Variants in ZNF85 observed in about 807,000 individuals in gnomAD.
ZNF85 encodes zinc finger protein 85, also known as zinc finger protein 85 (HPF4, HTF1).
In ZNF85, 50 loss-of-function variants were observed where a neutral mutation model predicts 53.9. The ratio of observed to expected loss-of-function variants is 0.93; its 90% CI spans 0.74 to 1.17. The LOEUF is 1.17. Among genes scored for constraint, ZNF85 ranks in the 50% most tolerant of loss-of-function variants. The probability of loss-of-function intolerance (pLI) is 0.00; values close to 1 mark genes in which losing one functional copy is unlikely to be tolerated. For missense variants in ZNF85, 747 were observed against 688.5 expected, an observed-to-expected ratio of 1.08 and a Z score of -0.95; for synonymous variants, 225 against 226.1, an observed-to-expected ratio of 1.00 and a Z score of 0.04.
At position 20,949,338 on chromosome 19, in the gene ZNF85, C is replaced by T. The variant is rs974842911; in HGVS notation, c.824C>T (p.Thr275Ile). ...TTTAACCGATTCTCAACTCTTACTA[C>T]CCATAAGATAATTCATACTGGAGAG... is the stretch of plus-strand genomic sequence containing the variant. ...KTFNRFSTLT[T>I]HKIIHTGEKP... Residue 275 changes from threonine (T) to isoleucine (I), a missense_variant, in exon 4 of 4, where the codon ACC becomes ATC. Transcript: ENST00000328178. 4.4e-6 allele frequency: 7 copies of T among 1,608,086 alleles called. No homozygotes were observed. Among genetic ancestry groups the T allele is most frequent in the South Asian group, 1.1e-5 (1 of 90,606 alleles).
At chr19:20,932,860 A>G (rs11667715) in intron 1 of ZNF85, among the ~76,000 whole-genome samples, 17,052 of 152,042 alleles carry the variant, frequency 0.11, 998 homozygotes, top group Non-Finnish European at 0.13. Context: ...CACAGCCGTG[A>G]TGCTGTGTCA....
intron 3 of ZNF85, among the ~76,000 whole-genome samples, chr19:20,939,739 C>T (rs889900817): frequency 6.6e-6 from 1 of 152,010 alleles, no homozygotes; most frequent in East Asian, 1.9e-4. Flanking sequence ...AATATGACCC[C>T]CAGTCTGGAG....
chr19:20,943,136 A>G (rs919510194), intron 3 of ZNF85: 1 of 353,464 alleles, frequency 2.8e-6, no homozygotes, highest in Admixed American at 4.7e-5. Flanking sequence ...AGGTGCAAAT[A>G]AGAATGTTGT....
At position 20,934,140 on chromosome 19, in the gene ZNF85, G is replaced by C; in HGVS notation, c.120G>C (p.Leu40=). Residue 40 remains leucine (L), a synonymous_variant, in exon 2 of 4, where the codon CTG becomes CTC. Coordinates refer to ENST00000328178, the MANE Select transcript of ZNF85 (RefSeq NM_003429.5). ...RNVMLENYRN[L]VFLGITVSKP... is the part of the protein sequence containing the mutation. ...TGATGTTAGAGAACTACAGAAACCT[G>C]GTCTTCCTGGGTGAGGATAACTTCA... 6.2e-7 allele frequency: 1 copy of C among 1,611,530 alleles called. No homozygotes were observed. The highest frequency in any genetic ancestry group is 8.5e-7 in the Non-Finnish European group (1 of 1,178,704).
In ZNF85 at chr19:20,950,075, C is replaced by T. The variant is rs754065881; in HGVS notation, c.1561C>T (p.Gln521Ter). Reference sequence around the variant, plus strand: ...TGAAGAATGTGGCAAAGCTTTTAACCAATCCTCAAAACTTACCAAACATAA... The same window carrying T: ...TGAAGAATGTGGCAAAGCTTTTAACTAATCCTCAAAACTTACCAAACATAA... Reference protein sequence around the residue: ...KCEECGKAFNQSSKLTKHKKI... With the variant: ...KCEECGKAFN Residue 521 changes from glutamine to a stop codon, truncating the protein, a stop_gained, in exon 4 of 4, where the codon CAA becomes TAA. Transcript: ENST00000328178. LOFTEE classifies it high-confidence loss of function. 3 of 1,612,800 alleles carry T rather than the reference C, an allele frequency of 1.9e-6. No homozygotes were observed. The highest frequency in any genetic ancestry group is 2.5e-6 in the Non-Finnish European group (3 of 1,179,720).
Position 20,949,083 on chromosome 19 carries a change from C to A in ZNF85, c.569C>A (p.Thr190Asn). Reference protein sequence around the residue: ...GKSFGMISCLTEHSRIHTRVN... With the variant: ...GKSFGMISCLNEHSRIHTRVN... ...TCATTTGGCATGATTTCATGCCTAA[C>A]TGAACATAGCAGAATTCATACTAGA... is the stretch of plus-strand genomic sequence containing the variant. The change falls in exon 4 of 4, where the codon ACT (threonine) becomes AAT (asparagine). Residue 190 changes from threonine (T) to asparagine (N), a missense_variant. Coordinates refer to ENST00000328178, the MANE Select transcript of ZNF85 (RefSeq NM_003429.5). The A allele has an allele frequency of 6.2e-7, 1 of 1,613,734 alleles. No homozygotes were observed. Among genetic ancestry groups the A allele is most frequent in the East Asian group, 2.2e-5 (1 of 44,850 alleles).
At chr19:20,925,127 C>T (rs1221415469) in intron 1 of ZNF85, among the ~76,000 whole-genome samples, 1 of 152,130 alleles carries the variant, frequency 6.6e-6, no homozygotes, top group Non-Finnish European at 1.5e-5. Context: ...TCCTGGTGTA[C>T]TCTTCCTTTG....
chr19:20,934,160 A>G lies in ZNF85; in HGVS notation c.130+10A>G. On this transcript the variant is annotated intron_variant, in intron 2 of 3. Transcript: ENST00000328178. ...AACCTGGTCTTCCTGGGTGAGGATA[A>G]CTTCAATACACAATTTCTAATATGC... The G allele has an allele frequency of 6.2e-7, 1 of 1,607,118 alleles. No individual in the cohort carries two copies. The highest frequency in any genetic ancestry group is 1.7e-5 in the Admixed American group (1 of 58,724).
chr19:20,946,519 C>A (rs1295802553), intron 3 of ZNF85: 1 of 222,048 alleles, frequency 4.5e-6, no homozygotes, highest in African/African-American at 2.4e-5. Flanking sequence ...TTCATCGATT[C>A]TGTCAATATT....
At chr19:20,928,250 G>A (rs1308983741) in intron 1 of ZNF85, 1 of 152,250 alleles carries the variant, frequency 6.6e-6, no homozygotes, top group Non-Finnish European at 1.5e-5. Flanking sequence ...TCTGGGTGGT[G>A]TCAGAATTCA....
At position 20,950,169 on chromosome 19, in the gene ZNF85, A is replaced by C. The variant is rs925381179; in HGVS notation, c.1655A>C (p.Asn552Thr). 20 of 1,613,314 alleles carry C rather than the reference A, an allele frequency of 1.2e-5. No homozygotes were observed. Among genetic ancestry groups the C allele is most frequent in the Admixed American group, 1.2e-4 (7 of 59,920 alleles). The change falls in exon 4 of 4, where the codon AAC becomes ACC. Residue 552 changes from asparagine to threonine, a missense_variant. Coordinates refer to ENST00000328178, the MANE Select transcript of ZNF85 (RefSeq NM_003429.5). ...GGCAAAGCCTTTAACCAGTCCTCAA[A>C]CCTTACTAAACATAAGAGAATTCAT... The part of the protein sequence containing the change: ...ECGKAFNQSS[N>T]LTKHKRIHTG...
At chr19:20,927,673 A>AG (rs1453823509) in intron 1 of ZNF85, 3 of 152,218 alleles carry the variant, frequency 2.0e-5, no homozygotes, top group South Asian at 2.1e-4. Flanking sequence ...TCACGAGGTC[A>AG]GGAGTTCAAG....
intron 1 of ZNF85, 75 bp downstream of exon 1, chr19:20,923,478 C>T: frequency 6.2e-7 from 1 of 1,608,788 alleles, no homozygotes; most frequent in South Asian, 1.1e-5. Flanking sequence ...TGTGGCGGGA[C>T]TCAGGCCTCC....
At chr19:20,948,424 T>C (rs967552339) in intron 3 of ZNF85, among the ~76,000 whole-genome samples, 20 of 151,940 alleles carry the variant, frequency 1.3e-4, no homozygotes, top group Admixed American at 1.3e-3. Context: ...GCCAATTTAC[T>C]TCTAAAGCCA....
chr19:20,937,469 C>A, intron 3 of ZNF85: 2 of 387,146 alleles, frequency 5.2e-6, no homozygotes, highest in Admixed American at 6.3e-5. Flanking sequence ...CTAGGGTCCG[C>A]CTTTAGTTGG....
chr19:20,947,598 A>G (rs1036618389), intron 3 of ZNF85, among the ~76,000 whole-genome samples: 2 of 143,936 alleles, frequency 1.4e-5, no homozygotes, highest in Non-Finnish European at 3.0e-5. Flanking sequence ...TAGTAATCTC[A>G]TAAGACTATG....
At chr19:20,943,787 T>C (rs1973358873) in intron 3 of ZNF85, 1 of 152,162 alleles carries the variant, frequency 6.6e-6, no homozygotes, top group African/African-American at 2.4e-5. Context: ...TGTATATACA[T>C]ATACACATAA....
chr19:20,926,113 C>T (rs1056250376), intron 1 of ZNF85, among the ~76,000 whole-genome samples: 3 of 152,154 alleles, frequency 2.0e-5, no homozygotes, highest in African/African-American at 7.2e-5. Flanking sequence ...TAGGAAAAAT[C>T]TCTCTTCCAT....
intron 3 of ZNF85, among the ~76,000 whole-genome samples, chr19:20,947,287 TTA>T (rs914700328): frequency 1.3e-4 from 20 of 151,786 alleles, no homozygotes; most frequent in Non-Finnish European, 2.5e-4. Context: ...TTTATAATAA[TTA>T]GTGTTTTTAT....
Sources: gnomAD v4.1 joint callset for allele counts (sites outside exome capture counted in the v4.1 genomes callset) on GRCh38, gnomAD v4.1.1 for gene constraint, MANE v1.5 for transcripts, NCBI Gene and HGNC (gene_info 2026-07-23, HGNC 2026-07-21) for gene names.